RNGTT: variants seen among roughly 807,000 people sequenced by gnomAD.
RNGTT encodes the protein mRNA-capping enzyme.
RNGTT carries 33 observed loss-of-function variants against 79.3 expected under a neutral mutation model. The observed-to-expected ratio is 0.42, with a 90% confidence interval of 0.32 to 0.56. The LOEUF is 0.56. Ranked by LOEUF, RNGTT falls within the 20% of genes least tolerant of loss-of-function variation. The probability of loss-of-function intolerance (pLI) is 0.17; values close to 1 mark genes in which losing one functional copy is unlikely to be tolerated. For synonymous variants in RNGTT, 222 were observed against 235.9 expected (o/e 0.94, Z 0.54); for missense variants, 497 against 739.1 (o/e 0.67, Z 3.80).
Position 88,647,696 on chromosome 6 carries a change from C to T in RNGTT, c.1506+30657G>A, listed in dbSNP as rs1325477358. Among the ~76,000 whole-genome samples the T allele has an allele frequency of 3.0e-3, 245 of 80,898 alleles. 9 individuals are homozygous for T. The highest frequency in any genetic ancestry group is 0.028 in the African/African-American group (240 of 8,700). The allele number at this position is 80,898 out of a possible 152,430, so 53.1% of individuals were successfully genotyped here. On this transcript the variant is annotated intron_variant, in intron 14 of 15. Coordinates refer to ENST00000369485, the MANE Select transcript of RNGTT (RefSeq NM_003800.5). The stretch of plus-strand genomic sequence containing the variant: ...CCAGCCTGGGTGACAGAACCGACAC[C>T]CTGTTAAAAAAAAAAAAAAAAGAAG...
chr6:88,616,803 G>A (rs970992266), intron 14 of RNGTT, among the ~76,000 whole-genome samples: 1 of 152,142 alleles, frequency 6.6e-6, no homozygotes, highest in Non-Finnish European at 1.5e-5. Context: ...CTTATCAGAT[G>A]TACAATTTGC....
At chr6:88,817,722 C>T (rs1312810254) in intron 11 of RNGTT, among the ~76,000 whole-genome samples, 2 of 149,458 alleles carry the variant, frequency 1.3e-5, no homozygotes, top group Non-Finnish European at 1.5e-5. Context: ...CTATCCCATG[C>T]CTTCACCATC....
At chr6:88,833,698 A>G (rs1458062823) in intron 11 of RNGTT, among the ~76,000 whole-genome samples, 4 of 152,212 alleles carry the variant, frequency 2.6e-5, no homozygotes, top group Admixed American at 6.5e-5. Context: ...GATTTAGGCA[A>G]AGTAACTGCC....
chr6:88,635,443 T>C (rs1773064297), intron 14 of RNGTT, among the ~76,000 whole-genome samples: 1 of 152,036 alleles, frequency 6.6e-6, no homozygotes, highest in African/African-American at 2.4e-5. Flanking sequence ...CCTAGAAAGA[T>C]GAACAACTCC....
At position 88,612,728 on chromosome 6, in the gene RNGTT, A is replaced by C; in HGVS notation, c.1785T>G (p.Pro595=). The change falls in exon 16 of 16, where the codon CCT becomes CCG. Residue 595 remains proline (P), a synonymous_variant. Transcript: ENST00000369485. ...MPPPPPKRPR[P]LT ...AAGTCACAGGCAGGTCTTAGGTTAA[A>C]GGGCGTGGTCTTTTGGGAGGTGGTG... 6.2e-7 allele frequency: 1 copy of C among 1,612,396 alleles called. No homozygotes were observed. Among genetic ancestry groups the C allele is most frequent in the Non-Finnish European group, 8.5e-7 (1 of 1,179,750 alleles).
At chr6:88,724,765 C>T (rs779055159) in intron 13 of RNGTT, among the ~76,000 whole-genome samples, 6 of 152,192 alleles carry the variant, frequency 3.9e-5, no homozygotes, top group Non-Finnish European at 7.3e-5. Flanking sequence ...TTAACTTCCT[C>T]GTAAAGCAAC....
Position 88,853,710 on chromosome 6 carries a change from A to G in RNGTT, c.951T>C (p.Asn317=). The part of the protein sequence containing the change: ...TNEVFMIDRD[N]SVFHVSNLEF... ...CCAGATTTGAAACATGAAATACTGA[A>G]TTGTCTCTATCAATCATAAAAACTT... The change falls in exon 9 of 16, where the codon AAT becomes AAC. Residue 317 remains asparagine (N), a synonymous_variant. Transcript: ENST00000369485. 1 of 1,581,112 alleles carries G rather than the reference A, an allele frequency of 6.3e-7. No homozygotes were observed. The highest frequency in any genetic ancestry group is 1.1e-5 in the South Asian group (1 of 89,306).
At chr6:88,843,101 A>AC (rs2127899592) in intron 11 of RNGTT, among the ~76,000 whole-genome samples, 1 of 151,614 alleles carries the variant, frequency 6.6e-6, no homozygotes, top group African/African-American at 2.4e-5. Flanking sequence ...ACAAAACAAA[A>AC]AACTCATACT....
intron 6 of RNGTT, among the ~76,000 whole-genome samples, chr6:88,900,601 G>T (rs1456737604): frequency 6.6e-6 from 1 of 151,708 alleles, no homozygotes; most frequent in African/African-American, 2.4e-5. Flanking sequence ...AGGCGTAGTG[G>T]CAGGTGCCAA....
At chr6:88,645,547 A>T (rs922619464) in intron 14 of RNGTT, among the ~76,000 whole-genome samples, 5 of 152,228 alleles carry the variant, frequency 3.3e-5, no homozygotes, top group African/African-American at 1.2e-4. Context: ...CATTGTCAAG[A>T]CAATCCTCAG....
chr6:88,755,403 A>G (rs1291271805), intron 13 of RNGTT, among the ~76,000 whole-genome samples: 1 of 152,166 alleles, frequency 6.6e-6, no homozygotes, highest in Non-Finnish European at 1.5e-5. Context: ...CCAAACAAAA[A>G]AATTCTTGAA....
chr6:88,725,919 AACAGAGAGAAAGAG>A (rs1444471945), intron 13 of RNGTT, among the ~76,000 whole-genome samples: 1 of 151,898 alleles, frequency 6.6e-6, no homozygotes, highest in African/African-American at 2.4e-5. Flanking sequence ...ATCAGAGAGA[AACAGAGAGAAAGAG>A]ACAGAGAGTC....
At chr6:88,633,827 G>T (rs975564908) in intron 14 of RNGTT, among the ~76,000 whole-genome samples, 1 of 152,080 alleles carries the variant, frequency 6.6e-6, no homozygotes, top group Non-Finnish European at 1.5e-5. Flanking sequence ...AAACCATGCT[G>T]CCACATAAAA....
At chr6:88,648,272 G>A (rs759111216) in intron 14 of RNGTT, among the ~76,000 whole-genome samples, 2 of 152,162 alleles carry the variant, frequency 1.3e-5, no homozygotes, top group Middle Eastern at 3.4e-3. Flanking sequence ...GGGGCCTAAA[G>A]AAGCCATCTG....
intron 14 of RNGTT, among the ~76,000 whole-genome samples, chr6:88,648,063 C>A (rs1773647380): frequency 6.6e-6 from 1 of 152,106 alleles, no homozygotes; most frequent in African/African-American, 2.4e-5. Context: ...ACATCAGAAA[C>A]AACAAACAGA....
intron 12 of RNGTT, among the ~76,000 whole-genome samples, chr6:88,778,046 A>G (rs1442568806): frequency 6.6e-6 from 1 of 152,160 alleles, no homozygotes; most frequent in Non-Finnish European, 1.5e-5. Flanking sequence ...TGTGGAGATG[A>G]TCATGTGGTT....
intron 14 of RNGTT, among the ~76,000 whole-genome samples, chr6:88,648,555 C>T (rs917436243): frequency 6.6e-6 from 1 of 152,110 alleles, no homozygotes; most frequent in Admixed American, 6.5e-5. Flanking sequence ...CAAACCTCTG[C>T]ACCTACCCAA....
chr6:88,765,392 C>A (rs1778426458), intron 13 of RNGTT, among the ~76,000 whole-genome samples: 1 of 152,020 alleles, frequency 6.6e-6, no homozygotes. Flanking sequence ...ATAATTATAA[C>A]CATTTTTTAA....
chr6:88,707,035 C>T (rs575902475), intron 13 of RNGTT, among the ~76,000 whole-genome samples: 1 of 152,218 alleles, frequency 6.6e-6, no homozygotes, highest in African/African-American at 2.4e-5. Flanking sequence ...ATGAATTAAG[C>T]TTAGCATTGA....
Sources: gnomAD v4.1 joint callset for allele counts (sites outside exome capture counted in the v4.1 genomes callset) on GRCh38, gnomAD v4.1.1 for gene constraint, MANE v1.5 for transcripts, NCBI Gene and HGNC (gene_info 2026-07-23, HGNC 2026-07-21) for gene names.